Variants in COL9A1 observed in about 807,000 individuals in gnomAD.
COL9A1 encodes the protein collagen alpha-1(IX) chain.
Under a neutral mutation model 142.6 loss-of-function variants are expected in COL9A1, and 104 were observed. The observed-to-expected ratio is 0.73, with a 90% confidence interval of 0.62 to 0.86. The LOEUF (loss-of-function observed/expected upper bound fraction) is 0.86. COL9A1 is among the 40% of genes least tolerant of loss of function. The probability of loss-of-function intolerance (pLI) is 0.00; values close to 1 mark genes in which losing one functional copy is unlikely to be tolerated. For synonymous variants in COL9A1, 466 were observed against 396.0 expected (o/e 1.18, Z -2.10); for missense variants, 1,210 against 1,176.6 (o/e 1.03, Z -0.42).
At chr6:70,250,131 T>G (rs1770852459) in intron 28 of COL9A1, among the ~76,000 whole-genome samples, 1 of 152,018 alleles carries the variant, frequency 6.6e-6, no homozygotes, top group Non-Finnish European at 1.5e-5. Context: ...CATGGTGGTG[T>G]GCACCTGTAG....
intron 19 of COL9A1, among the ~76,000 whole-genome samples, chr6:70,262,548 T>C (rs1200020136): frequency 1.3e-5 from 2 of 152,234 alleles, no homozygotes; most frequent in Non-Finnish European, 2.9e-5. Context: ...CTATAGAGTC[T>C]ATAACCTGGC....
At chr6:70,289,675 C>A (rs953749088) in intron 5 of COL9A1, among the ~76,000 whole-genome samples, 20 of 152,112 alleles carry the variant, frequency 1.3e-4, no homozygotes, top group African/African-American at 4.3e-4. Context: ...TTAATTTTTA[C>A]TTCCAACTGA....
intron 5 of COL9A1, among the ~76,000 whole-genome samples, chr6:70,287,755 C>T (rs569123905): frequency 6.6e-6 from 1 of 152,326 alleles, no homozygotes; most frequent in South Asian, 2.1e-4. Context: ...GACTTATCTA[C>T]AGCATATGAG....
chr6:70,276,304 A>C (rs1210464013), intron 10 of COL9A1, among the ~76,000 whole-genome samples: 1 of 152,130 alleles, frequency 6.6e-6, no homozygotes, highest in South Asian at 2.1e-4. Flanking sequence ...AAATTTTATA[A>C]ACCTCTGGGC....
At chr6:70,220,395 T>TGTGGCAGG (rs1768805115) in intron 37 of COL9A1, among the ~76,000 whole-genome samples, 1 of 56,510 alleles carries the variant, frequency 1.8e-5, no homozygotes, top group African/African-American at 6.2e-5. Flanking sequence ...GCAGGGTGTG[T>TGTGGCAGG]GTGTGTGTGT....
chr6:70,216,935 C>T lies in COL9A1; in HGVS notation c.2728G>A (p.Ala910Thr), dbSNP rs747451078. 1 of 1,614,180 alleles carries T rather than the reference C, an allele frequency of 6.2e-7. No individual in the cohort carries two copies. Among genetic ancestry groups the T allele is most frequent in the South Asian group, 1.1e-5 (1 of 91,074 alleles). ...FCEPASCTMQ[A>T]GQRAFNKGPD... is the part of the protein sequence containing the mutation. ...CCTTTGTTAAATGCTCGCTGACCAG[C>T]CTGCATGGTGCAGGAGGCTGGCTCA... Residue 910 changes from alanine to threonine, a missense_variant, in exon 38 of 38, where the codon GCT (alanine) becomes ACT (threonine). Transcript: ENST00000357250.
intron 37 of COL9A1, among the ~76,000 whole-genome samples, chr6:70,221,850 C>T (rs569053944): frequency 1.1e-4 from 17 of 152,236 alleles, no homozygotes; most frequent in African/African-American, 3.4e-4. Context: ...TTTGAGACAA[C>T]CGACCAAGCA....
chr6:70,232,499 A>T, intron 36 of COL9A1, 84 bp downstream of exon 36: 1 of 1,466,614 alleles, frequency 6.8e-7, no homozygotes, highest in South Asian at 1.1e-5. Flanking sequence ...GAAATTGGTA[A>T]AACATAAATT....
chr6:70,257,617 C>T lies in COL9A1; in HGVS notation c.1450-796G>A, dbSNP rs532236396. Among the ~76,000 whole-genome samples the T allele has an allele frequency of 4.6e-5, 7 of 152,270 alleles. No individual in the cohort carries two copies. In the South Asian group the frequency reaches 1.5e-3, roughly 32 times the overall value. On this transcript the variant is annotated intron_variant, in intron 20 of 37. Coordinates refer to ENST00000357250, the MANE Select transcript of COL9A1 (RefSeq NM_001851.6). ...CAAAAATTAGCCGGGTCTGTTGGCA[C>T]ATGCCTGTAATCCCAGCTACTCAGG...
intron 28 of COL9A1, among the ~76,000 whole-genome samples, chr6:70,251,504 G>A (rs767178424): frequency 3.9e-5 from 6 of 152,176 alleles, no homozygotes; most frequent in Non-Finnish European, 7.3e-5. Context: ...CTACGATTGC[G>A]CCACTGCACC....
chr6:70,287,638 TCA>T (rs1773508939), intron 5 of COL9A1, among the ~76,000 whole-genome samples: 1 of 151,968 alleles, frequency 6.6e-6, no homozygotes, highest in East Asian at 1.9e-4. Context: ...ATTCTTCTCC[TCA>T]TTTTCTCTTG....
chr6:70,234,231 A>G (rs535478608), intron 35 of COL9A1, among the ~76,000 whole-genome samples: 1 of 131,902 alleles, frequency 7.6e-6, no homozygotes, highest in South Asian at 2.3e-4. Context: ...TTCCAAAGGA[A>G]AAAAGTGTGT....
At chr6:70,281,336 G>A in intron 8 of COL9A1, 54 bp downstream of exon 8, 1 of 1,544,120 alleles carries the variant, frequency 6.5e-7, no homozygotes, top group South Asian at 1.1e-5. Context: ...CCTGGGAAAA[G>A]AATAGGAAAG....
chr6:70,285,946 T>C (rs1241107597), intron 5 of COL9A1, among the ~76,000 whole-genome samples: 1 of 152,240 alleles, frequency 6.6e-6, no homozygotes, highest in African/African-American at 2.4e-5. Context: ...TGGAGTGCAG[T>C]AGCACAATCT....
chr6:70,293,630 TTCACACAC>T (rs1209230299), intron 5 of COL9A1, among the ~76,000 whole-genome samples: 129 of 74,262 alleles, frequency 1.7e-3, no homozygotes, highest in African/African-American at 6.3e-3. Flanking sequence ...CTCTCTCTCT[TTCACACAC>T]ACACACACAC....
rs1774083928 is a variant in COL9A1, at chr6:70,302,028, C to T, written c.61G>A (p.Ala21Thr). The T allele has an allele frequency of 1.2e-6, 2 of 1,611,686 alleles. No homozygotes were observed. The highest frequency in any genetic ancestry group is 1.7e-6 in the Non-Finnish European group (2 of 1,179,122). Residue 21 changes from alanine (A) to threonine (T), a missense_variant, in exon 2 of 38, where the codon GCA (alanine) becomes ACA (threonine). By Grantham distance (58) the Ala-to-Thr change is moderately conservative (BLOSUM62 0). Coordinates refer to ENST00000357250, the MANE Select transcript of COL9A1 (RefSeq NM_001851.6). ...GGGCGACGCTTGACAGCTGCAGATG[C>T]CCAGGGTTCCAGGAAACTGCACACA... is the stretch of plus-strand genomic sequence containing the variant. ...FFVCSFLEPW[A>T]SAAVKRRPRF...
At position 70,294,162 on chromosome 6, in the gene COL9A1, C is replaced by T; in HGVS notation, c.696+5G>A. ...ATCTGCCATAGTGTGTGGTTTTATACTTACTGGAACAGAAACTTGAGGATT... is the reference window on the plus strand; with the variant it reads ...ATCTGCCATAGTGTGTGGTTTTATATTTACTGGAACAGAAACTTGAGGATT... On this transcript the variant is annotated splice_donor_5th_base_variant and intron_variant, in intron 5 of 37. Coordinates refer to ENST00000357250, the MANE Select transcript of COL9A1 (RefSeq NM_001851.6). The T allele has an allele frequency of 6.2e-7, 1 of 1,613,934 alleles. No individual in the cohort carries two copies. Among genetic ancestry groups the T allele is most frequent in the Non-Finnish European group, 8.5e-7 (1 of 1,179,866 alleles).
chr6:70,241,973 T>G lies in COL9A1; in HGVS notation c.1989A>C (p.Lys663Asn). The G allele has an allele frequency of 1.3e-6, 2 of 1,594,868 alleles. No individual in the cohort carries two copies. Among genetic ancestry groups the G allele is most frequent in the Non-Finnish European group, 1.7e-6 (2 of 1,169,120 alleles). The part of the protein sequence containing the change: ...LPGPPGLPGM[K>N]GDRGVVGEPG... ...GTGCTGGAGCTCTTACCCTGTCACC[T>G]TTCATTCCAGGAAGTCCAGGGGGCC... Residue 663 changes from lysine (K) to asparagine (N), a missense_variant, in exon 30 of 38, where the codon AAA becomes AAC. Physicochemically the swap from Lys to Asn is moderately conservative, Grantham distance 94. Transcript: ENST00000357250.
chr6:70,268,657 G>T, intron 17 of COL9A1, 147 bp downstream of exon 17: 2 of 716,162 alleles, frequency 2.8e-6, no homozygotes, highest in Non-Finnish European at 5.0e-6. Flanking sequence ...TACATGTCAA[G>T]GGCAACTGGA....
Sources: gnomAD v4.1 joint callset for allele counts (sites outside exome capture counted in the v4.1 genomes callset) on GRCh38, gnomAD v4.1.1 for gene constraint, MANE v1.5 for transcripts, NCBI Gene and HGNC (gene_info 2026-07-23, HGNC 2026-07-21) for gene names.